HCFC2: variants seen among roughly 807,000 people sequenced by gnomAD.
HCFC2 encodes the protein host cell factor C2.
Under a neutral mutation model 89.2 loss-of-function variants are expected in HCFC2, and 18 were observed. The ratio of observed to expected loss-of-function variants is 0.20; its 90% confidence interval spans 0.14 to 0.30. The LOEUF is 0.30. Ranked by LOEUF, HCFC2 falls within the 10% of genes least tolerant of loss-of-function variation. HCFC2 has a pLI of 1.00. For missense variants in HCFC2, 578 were observed against 956.1 expected (o/e 0.60, Z 5.21); for synonymous variants, 308 against 335.7 (o/e 0.92, Z 0.90).
intron 7 of HCFC2, among the ~76,000 whole-genome samples, chr12:104,086,195 A>G (rs1883837941): frequency 6.6e-6 from 1 of 151,996 alleles, no homozygotes; most frequent in Non-Finnish European, 1.5e-5. Flanking sequence ...ATGGGGTTTC[A>G]CCATGTTGGC....
rs1440899832 is a variant in HCFC2 at position 104,104,530 on chromosome 12, A to G, written c.*1257A>G. ...TCAATAACTGCAGGGGCACAGGTCT[A>G]TCTTTTTTTATACCACATAACCTTA... is the stretch of plus-strand genomic sequence containing the variant. On this transcript the variant is annotated 3_prime_UTR_variant, in exon 15 of 15. Coordinates refer to ENST00000229330, the MANE Select transcript of HCFC2 (RefSeq NM_013320.3). 2 of 152,046 alleles carry G rather than the reference A, an allele frequency of 1.3e-5. No homozygotes were observed. Among genetic ancestry groups the G allele is most frequent in the African/African-American group, 4.8e-5 (2 of 41,454 alleles). The allele number at this position is 152,046 out of a possible 1,614,324, so 9.4% of individuals were successfully genotyped here.
chr12:104,068,498 G>A lies in HCFC2; in HGVS notation c.473+391G>A, dbSNP rs530856377. ...AATTAGATTTCTCTGGGAATTTGGC[G>A]ACAAAACTCTGACTATAAAATGAAA... On this transcript the variant is annotated intron_variant, in intron 3 of 14. Transcript: ENST00000229330. This position sits in a 1 kb window ranked among gnomAD's most constrained non-coding sequence, Gnocchi z 4.1. 2.0e-4 allele frequency among the ~76,000 whole-genome samples: 31 copies of A among 152,214 alleles called. No homozygotes were observed. Among genetic ancestry groups the A allele is most frequent in the Admixed American group, 1.0e-3 (16 of 15,302 alleles).
At position 104,086,937 on chromosome 12, in the gene HCFC2, G is replaced by A; in HGVS notation, c.1154G>A (p.Gly385Asp). ...VKWDEVSTVE[G>D]YLLQLSTDLP... The stretch of plus-strand genomic sequence containing the variant: ...TGGGATGAAGTGTCTACAGTTGAGG[G>A]CTATCTTTTGCAGTTGAGTACAGAC... The change falls in exon 8 of 15, where the codon GGC becomes GAC. Residue 385 changes from glycine (G) to aspartate (D), a missense_variant. Transcript: ENST00000229330. 6.2e-7 allele frequency: 1 copy of A among 1,614,056 alleles called. No individual in the cohort carries two copies. The highest frequency in any genetic ancestry group is 8.5e-7 in the Non-Finnish European group (1 of 1,179,942).
chr12:104,065,025 T>G, intron 1 of HCFC2: 3 of 294,252 alleles, frequency 1.0e-5, no homozygotes, highest in African/African-American at 2.2e-5. Flanking sequence ...CAGAAGACCA[T>G]GTCCAACCGC....
chr12:104,083,409 A>G (rs899884617), intron 7 of HCFC2, among the ~76,000 whole-genome samples: 8 of 152,220 alleles, frequency 5.3e-5, no homozygotes, highest in Non-Finnish European at 1.0e-4. Flanking sequence ...CAGAAGTTTC[A>G]AAGTGAAGGA....
At chr12:104,080,605 T>C in intron 4 of HCFC2, 141 bp from the exon 5 acceptor site, 1 of 495,392 alleles carries the variant, frequency 2.0e-6, no homozygotes, top group Non-Finnish European at 3.5e-6. Flanking sequence ...GCTGGAAATG[T>C]TTAAGATAAT....
chr12:104,066,300 G>A lies in HCFC2; in HGVS notation c.297G>A (p.Glu99=), dbSNP rs774444513. 1.1e-5 allele frequency: 18 copies of A among 1,596,114 alleles called. No individual in the cohort carries two copies. The South Asian group carries it at 2.1e-4, about 18-fold the overall frequency. Residue 99 remains glutamate (E), a synonymous_variant, in exon 2 of 15, where the codon GAG becomes GAA. Coordinates refer to ENST00000229330, the MANE Select transcript of HCFC2 (RefSeq NM_013320.3). ...GMVEYGRYSN[E]LYELQASRWL... Reference sequence around the variant, plus strand: ...TTGAATATGGAAGATACAGCAATGAGTTATATGAGTTACAAGTAAGTGTAT... The same window carrying A: ...TTGAATATGGAAGATACAGCAATGAATTATATGAGTTACAAGTAAGTGTAT...
In HCFC2 at chr12:104,103,875, C is replaced by G. The variant is rs958464378; in HGVS notation, c.*602C>G. On this transcript the variant is annotated 3_prime_UTR_variant, in exon 15 of 15. Transcript: ENST00000229330. ...CTGCTTTTGAACTTTTATTATTTTC[C>G]AAGAATCATGGTAAAATACAACAAG... The G allele has an allele frequency of 6.6e-6, 1 of 151,934 alleles. No individual in the cohort carries two copies. Among genetic ancestry groups the G allele is most frequent in the Non-Finnish European group, 1.5e-5 (1 of 67,912 alleles). 9.4% of individuals were successfully genotyped at this position (151,934 alleles called of 1,614,324 possible).
rs879242105 is a variant in HCFC2 at position 104,102,944 on chromosome 12, C to G, written c.2065-15C>G. On this transcript the variant is annotated splice_polypyrimidine_tract_variant and intron_variant, in intron 14 of 14. Transcript: ENST00000229330. The stretch of plus-strand genomic sequence containing the variant: ...CTTAAGAACCTTTAACCTGTTTTTT[C>G]CCCCCCCCTTCAAGAATGTTGAAGG... 2 of 1,450,306 alleles carry G rather than the reference C, an allele frequency of 1.4e-6. No homozygotes were observed. Among genetic ancestry groups the G allele is most frequent in the African/African-American group, 1.5e-5 (1 of 66,732 alleles). 89.8% of individuals were successfully genotyped at this position (1,450,306 alleles called of 1,614,324 possible).
Position 104,086,858 on chromosome 12 carries a change from G to A in HCFC2, c.1075G>A (p.Ala359Thr), listed in dbSNP as rs201165064. The A allele has an allele frequency of 1.3e-5, 21 of 1,613,326 alleles. No homozygotes were observed. The Admixed American group carries it at 1.8e-4, about 14-fold the overall frequency. ...TGATTGTTCTATAGAGAAACCACCGGCACCATCTCAAGTACAGCTGATCAA... is the reference window on the plus strand; with the variant it reads ...TGATTGTTCTATAGAGAAACCACCGACACCATCTCAAGTACAGCTGATCAA... The part of the protein sequence containing the change: ...LWYLDTEKPP[A>T]PSQVQLIKAT... The change falls in exon 8 of 15, where the codon GCA (alanine) becomes ACA (threonine). Residue 359 changes from alanine (A) to threonine (T), a missense_variant. Ala to Thr is a moderately conservative substitution (Grantham distance 58, BLOSUM62 0). Around this residue, in one of 4 missense-constraint regions of HCFC2, gnomAD observed 210 missense variants for 251.7 expected, o/e 0.83. Transcript: ENST00000229330.
chr12:104,093,609 G>A, intron 10 of HCFC2, 46 bp downstream of exon 10: 1 of 1,491,770 alleles, frequency 6.7e-7, no homozygotes, highest in Middle Eastern at 1.8e-4. Context: ...AAAATCGGTG[G>A]GGAATTTAAT....
intron 4 of HCFC2, chr12:104,080,526 C>A (rs927486670): frequency 2.9e-6 from 1 of 342,196 alleles, no homozygotes; most frequent in South Asian, 3.8e-5. Flanking sequence ...GATGCAGCAC[C>A]CATAGATATG....
chr12:104,067,182 C>T (rs1450132798), intron 2 of HCFC2, among the ~76,000 whole-genome samples: 1 of 152,202 alleles, frequency 6.6e-6, no homozygotes, highest in Non-Finnish European at 1.5e-5. Flanking sequence ...TAAAACTTTC[C>T]ACATTTGGAA....
intron 7 of HCFC2, among the ~76,000 whole-genome samples, chr12:104,086,110 GCCTTAGCCTTCCGAGTA>G: frequency 6.7e-6 from 1 of 148,534 alleles, no homozygotes; most frequent in South Asian, 2.1e-4. Context: ...TGATTCTTCT[GCCTTAGCCTTCCGAGTA>G]CCTGGAATTA....
chr12:104,079,941 A>G (rs2723854), intron 4 of HCFC2, among the ~76,000 whole-genome samples: 58,827 of 152,022 alleles, frequency 0.39, 12,622 homozygotes, highest in Non-Finnish European at 0.49. Context: ...GTAATTATCA[A>G]TAGTACAATA....
chr12:104,101,296 C>T (rs1219836721), intron 13 of HCFC2, among the ~76,000 whole-genome samples: 1 of 152,150 alleles, frequency 6.6e-6, no homozygotes, highest in Non-Finnish European at 1.5e-5. Flanking sequence ...CCAGCCTGGC[C>T]AGCATGGCGA....
chr12:104,091,860 T>A (rs2136621704), intron 9 of HCFC2, among the ~76,000 whole-genome samples: 1 of 152,248 alleles, frequency 6.6e-6, no homozygotes, highest in Non-Finnish European at 1.5e-5. Flanking sequence ...AGATACAGAG[T>A]TTATGGATAT....
At chr12:104,100,148 A>T (rs2029891313) in intron 13 of HCFC2, among the ~76,000 whole-genome samples, 1 of 152,160 alleles carries the variant, frequency 6.6e-6, no homozygotes, top group African/African-American at 2.4e-5. Context: ...TATTAAATAC[A>T]ATCTAATGTT....
intron 8 of HCFC2, 55 bp downstream of exon 8, chr12:104,087,069 T>C: frequency 3.8e-6 from 6 of 1,573,962 alleles, no homozygotes; most frequent in Admixed American, 1.7e-5. Context: ...TAAAAATATA[T>C]ACTGGCCGGG....
Sources: allele counts gnomAD v4.1 joint callset (sites outside exome capture counted in the v4.1 genomes callset), GRCh38; gene constraint gnomAD v4.1.1; regional missense constraint gnomAD v4.1.1; non-coding constraint Gnocchi (gnomAD v3.1); transcripts MANE v1.5; gene names NCBI Gene and HGNC (gene_info 2026-07-23, HGNC 2026-07-21).